Variants in EZH2 observed in about 807,000 individuals in gnomAD.
EZH2 encodes the protein histone-lysine N-methyltransferase EZH2.
A neutral mutation model predicts 98.4 loss-of-function variants in EZH2; 18 were observed. That is an observed-to-expected ratio of 0.18 (90% CI 0.13 to 0.27). The LOEUF (loss-of-function observed/expected upper bound fraction) is 0.27, where lower values mean the gene tolerates loss of function less well. EZH2 is among the 10% of genes least tolerant of loss of function. EZH2 has a pLI of 1.00. For missense variants in EZH2, 470 were observed against 935.1 expected (o/e 0.50, Z 6.49); for synonymous variants, 338 against 312.3 (o/e 1.08, Z -0.87).
chr7:148,853,081 A>C (rs1816145225), intron 1 of EZH2, among the ~76,000 whole-genome samples: 2 of 152,186 alleles, frequency 1.3e-5, no homozygotes, highest in African/African-American at 2.4e-5. Context: ...ACATGGTTTC[A>C]GGATGAAACT....
At chr7:148,869,338 CTTTTTTTT>C (rs143589780) in intron 1 of EZH2, among the ~76,000 whole-genome samples, 6 of 80,290 alleles carry the variant, frequency 7.5e-5, no homozygotes, top group African/African-American at 1.9e-4. Context: ...CAGCAATAGC[CTTTTTTTT>C]TTTTTTTTTT....
chr7:148,827,320 T>A, intron 6 of EZH2, 54 bp from the exon 7 acceptor site: 1 of 1,322,634 alleles, frequency 7.6e-7, no homozygotes, highest in Non-Finnish European at 1.1e-6. Flanking sequence ...AAGTTTTTGA[T>A]CTTTCATTTT....
intron 1 of EZH2, among the ~76,000 whole-genome samples, chr7:148,881,215 G>T (rs1820908328): frequency 6.6e-6 from 1 of 152,140 alleles, no homozygotes; most frequent in Non-Finnish European, 1.5e-5. Flanking sequence ...GTCCTTGTTG[G>T]TTTTTAAAAA....
intron 19 of EZH2, 61 bp downstream of exon 19, chr7:148,809,010 A>C (rs1474719074): frequency 7.2e-7 from 1 of 1,383,490 alleles, no homozygotes; most frequent in East Asian, 2.3e-5. Context: ...TCCTTTGTCC[A>C]GAGTTCACAA....
At chr7:148,879,162 T>C (rs56259692) in intron 1 of EZH2, among the ~76,000 whole-genome samples, 1 of 151,422 alleles carries the variant, frequency 6.6e-6, no homozygotes, top group Admixed American at 6.6e-5. Context: ...GAGGCAGAGG[T>C]TGCAGTGAGC....
At chr7:148,856,349 G>A (rs1236851879) in intron 1 of EZH2, among the ~76,000 whole-genome samples, 2 of 152,176 alleles carry the variant, frequency 1.3e-5, no homozygotes, top group African/African-American at 4.8e-5. Context: ...GCAAGAGGTG[G>A]TGATGAATTA....
intron 15 of EZH2, among the ~76,000 whole-genome samples, chr7:148,813,554 G>T (rs1412100773): frequency 6.6e-6 from 1 of 151,344 alleles, no homozygotes; most frequent in Non-Finnish European, 1.5e-5. Flanking sequence ...ACATAGCAAG[G>T]AATCTATAAA....
intron 12 of EZH2, among the ~76,000 whole-genome samples, chr7:148,816,394 T>A (rs1804564577): frequency 6.6e-6 from 1 of 152,256 alleles, no homozygotes; most frequent in Non-Finnish European, 1.5e-5. Flanking sequence ...ATTGTTTACG[T>A]AACCTTTACT....
intron 1 of EZH2, among the ~76,000 whole-genome samples, chr7:148,870,458 C>G (rs1301037502): frequency 6.6e-6 from 1 of 152,102 alleles, no homozygotes; most frequent in Admixed American, 6.5e-5. Flanking sequence ...ATCCCAGCAC[C>G]TGGGGACTCC....
At chr7:148,829,898 T>C (rs1038353055) in intron 4 of EZH2, 50 bp from the exon 5 acceptor site, 6 of 1,390,802 alleles carry the variant, frequency 4.3e-6, no homozygotes, top group Non-Finnish European at 5.9e-6. Context: ...AAGTATCAAA[T>C]GTGAAATAAC....
chr7:148,837,311 AT>A (rs1004682969), intron 3 of EZH2, among the ~76,000 whole-genome samples: 2 of 152,226 alleles, frequency 1.3e-5, no homozygotes, highest in Non-Finnish European at 2.9e-5. Flanking sequence ...AACTGTTGAC[AT>A]TGTCTAACAT....
At chr7:148,846,661 C>G in intron 2 of EZH2, 63 bp from the exon 3 acceptor site, 1 of 1,460,202 alleles carries the variant, frequency 6.8e-7, no homozygotes, top group Non-Finnish European at 9.4e-7. Context: ...ATGTATAACA[C>G]CTGTAAAGCA....
intron 3 of EZH2, among the ~76,000 whole-genome samples, chr7:148,834,937 T>G (rs1052445820): frequency 2.0e-5 from 3 of 152,214 alleles, no homozygotes; most frequent in African/African-American, 7.2e-5. Context: ...ATGAGGACAC[T>G]GAGGTTCAGA....
chr7:148,826,311 A>T, intron 8 of EZH2, 143 bp downstream of exon 8: 1 of 637,434 alleles, frequency 1.6e-6, no homozygotes. Flanking sequence ...GCAACAAAGT[A>T]AAAATAATAA....
intron 1 of EZH2, among the ~76,000 whole-genome samples, chr7:148,860,405 T>G (rs1160976212): frequency 6.6e-6 from 1 of 152,004 alleles, no homozygotes; most frequent in Non-Finnish European, 1.5e-5. Flanking sequence ...TGCAATCATA[T>G]GAGAAGGAAG....
chr7:148,875,261 T>C (rs1396729792), intron 1 of EZH2, among the ~76,000 whole-genome samples: 1 of 152,240 alleles, frequency 6.6e-6, no homozygotes, highest in African/African-American at 2.4e-5. Flanking sequence ...TTTCACATAA[T>C]TTATCTGATT....
At chr7:148,810,896 CAAAAAAAA>C (rs924758768) in intron 16 of EZH2, among the ~76,000 whole-genome samples, 8 of 43,672 alleles carry the variant, frequency 1.8e-4, no homozygotes, top group African/African-American at 5.1e-4. Context: ...AACTCTGTCT[CAAAAAAAA>C]AAAAAAAAAA....
chr7:148,868,192 C>G (rs1028431385), intron 1 of EZH2, among the ~76,000 whole-genome samples: 5 of 152,124 alleles, frequency 3.3e-5, no homozygotes, highest in African/African-American at 1.2e-4. Context: ...TTGTGATGCC[C>G]CACTTCTGTG....
chr7:148,870,088 T>C (rs1476233938), intron 1 of EZH2, among the ~76,000 whole-genome samples: 1 of 152,144 alleles, frequency 6.6e-6, no homozygotes, highest in Non-Finnish European at 1.5e-5. Flanking sequence ...ATAACTTGAG[T>C]TCTCTATTTC....
Sources: allele counts gnomAD v4.1 joint callset (sites outside exome capture counted in the v4.1 genomes callset), GRCh38; gene constraint gnomAD v4.1.1; transcripts MANE v1.5; gene names NCBI Gene and HGNC (gene_info 2026-07-23, HGNC 2026-07-21).